Variants in PPP1R1C observed in about 807,000 individuals in gnomAD.
PPP1R1C encodes protein phosphatase 1 regulatory subunit 1C.
In PPP1R1C, 15 loss-of-function variants were observed where a neutral mutation model predicts 17.4. That is an observed-to-expected ratio of 0.86 (90% CI 0.58 to 1.33). The LOEUF is 1.33. PPP1R1C is among the 40% of genes most tolerant of loss of function. The probability of loss-of-function intolerance (pLI) is 0.00; values close to 1 mark genes in which losing one functional copy is unlikely to be tolerated. For missense variants in PPP1R1C, 143 were observed against 130.0 expected (o/e 1.10, Z -0.48); for synonymous variants, 35 against 43.1 (o/e 0.81, Z 0.73).
chr2:182,015,241 G>A (rs563933030), intron 2 of PPP1R1C, among the ~76,000 whole-genome samples: 4 of 152,114 alleles, frequency 2.6e-5, no homozygotes, highest in Admixed American at 1.3e-4. Context: ...AGTTTACCCC[G>A]TACTGTTCTC....
chr2:182,004,681 GAGTT>G (rs1685864515), intron 2 of PPP1R1C, among the ~76,000 whole-genome samples: 1 of 152,218 alleles, frequency 6.6e-6, no homozygotes, highest in African/African-American at 2.4e-5. Context: ...CATCTCAAAA[GAGTT>G]AGGATTAGGA....
chr2:182,096,813 T>C (rs1268876144), intron 4 of PPP1R1C, among the ~76,000 whole-genome samples: 1 of 152,210 alleles, frequency 6.6e-6, no homozygotes, highest in Non-Finnish European at 1.5e-5. Context: ...TAGCTCCTTC[T>C]GTCAAAATCA....
At chr2:182,072,602 T>A (rs1688172581) in intron 4 of PPP1R1C, among the ~76,000 whole-genome samples, 1 of 152,178 alleles carries the variant, frequency 6.6e-6, no homozygotes, top group Non-Finnish European at 1.5e-5. Context: ...GGGTGTCCTA[T>A]GAAGTTTTGT....
intron 4 of PPP1R1C, among the ~76,000 whole-genome samples, chr2:182,066,982 G>T (rs959807225): frequency 1.3e-5 from 2 of 151,776 alleles, no homozygotes; most frequent in Non-Finnish European, 2.9e-5. Flanking sequence ...GTGTGTGTGT[G>T]TGTGTGTGTG....
At chr2:181,958,053 T>C (rs1394448077) in intron 1 of PPP1R1C, among the ~76,000 whole-genome samples, 1 of 152,178 alleles carries the variant, frequency 6.6e-6, no homozygotes, top group East Asian at 1.9e-4. Context: ...GTTTCCAATA[T>C]AGCTGTTTTC....
chr2:182,100,921 C>T (rs1474605536), intron 4 of PPP1R1C, among the ~76,000 whole-genome samples: 1 of 152,168 alleles, frequency 6.6e-6, no homozygotes, highest in Non-Finnish European at 1.5e-5. Context: ...GCATAAGAAG[C>T]AGGCAGGGCT....
At chr2:182,100,310 G>A (rs1462245264) in intron 4 of PPP1R1C, among the ~76,000 whole-genome samples, 2 of 152,050 alleles carry the variant, frequency 1.3e-5, no homozygotes, top group Non-Finnish European at 2.9e-5. Flanking sequence ...AAGAGATTGA[G>A]ACCATCCTAG....
At chr2:182,003,638 C>T (rs1400455687) in intron 2 of PPP1R1C, among the ~76,000 whole-genome samples, 1 of 151,820 alleles carries the variant, frequency 6.6e-6, no homozygotes, top group African/African-American at 2.4e-5. Flanking sequence ...AGTCTTGTAG[C>T]ATCTCCAAGC....
chr2:181,992,550 T>C (rs2125143471), intron 2 of PPP1R1C, among the ~76,000 whole-genome samples: 1 of 134,446 alleles, frequency 7.4e-6, no homozygotes, highest in Admixed American at 7.3e-5. Flanking sequence ...TTATATTTAA[T>C]GGACCTGACG....
At chr2:182,067,036 T>TA (rs1688005749) in intron 4 of PPP1R1C, among the ~76,000 whole-genome samples, 1 of 151,868 alleles carries the variant, frequency 6.6e-6, no homozygotes, top group African/African-American at 2.4e-5. Context: ...GAAAGCAAAG[T>TA]AAGTGCTATT....
chr2:182,020,777 T>A (rs1350108654), intron 2 of PPP1R1C, among the ~76,000 whole-genome samples: 1 of 152,152 alleles, frequency 6.6e-6, no homozygotes, highest in African/African-American at 2.4e-5. Flanking sequence ...TTCCCCAACC[T>A]TTTCTATATG....
At chr2:182,077,458 C>A (rs1291543293) in intron 4 of PPP1R1C, among the ~76,000 whole-genome samples, 1 of 152,144 alleles carries the variant, frequency 6.6e-6, no homozygotes, top group Non-Finnish European at 1.5e-5. Context: ...CCACATGTCC[C>A]ATGTTTTACT....
chr2:182,014,384 C>T (rs1393690084), intron 2 of PPP1R1C, among the ~76,000 whole-genome samples: 1 of 152,110 alleles, frequency 6.6e-6, no homozygotes, highest in Non-Finnish European at 1.5e-5. Flanking sequence ...TCATTACTTT[C>T]CCCCAAACAA....
intron 4 of PPP1R1C, among the ~76,000 whole-genome samples, chr2:182,107,908 G>A (rs548349866): frequency 2.6e-5 from 4 of 151,858 alleles, no homozygotes; most frequent in Non-Finnish European, 4.4e-5. Context: ...GTAGGTGAAC[G>A]TTTTGTGCTT....
chr2:182,116,019 T>C (rs1258084197), intron 4 of PPP1R1C, among the ~76,000 whole-genome samples: 1 of 152,180 alleles, frequency 6.6e-6, no homozygotes. Context: ...TACTCTGATA[T>C]CTTAACAGAA....
At chr2:182,124,381 CT>C (rs1296251183) in intron 5 of PPP1R1C, among the ~76,000 whole-genome samples, 1 of 98,026 alleles carries the variant, frequency 1.0e-5, no homozygotes. Flanking sequence ...TATACAGGCT[CT>C]TTTTTTGGTT....
chr2:182,022,875 C>A (rs181824431), intron 2 of PPP1R1C, among the ~76,000 whole-genome samples: 1 of 152,270 alleles, frequency 6.6e-6, no homozygotes, highest in East Asian at 1.9e-4. Context: ...AGAGCCAAGA[C>A]CAGTGATGCC....
At chr2:182,128,243 A>G (rs935937544) in intron 5 of PPP1R1C, among the ~76,000 whole-genome samples, 2 of 152,134 alleles carry the variant, frequency 1.3e-5, no homozygotes, top group Admixed American at 1.3e-4. Context: ...TAATGAAATC[A>G]TTTCTGATAA....
intron 2 of PPP1R1C, among the ~76,000 whole-genome samples, chr2:181,997,270 T>C (rs2125146490): frequency 6.6e-6 from 1 of 151,356 alleles, no homozygotes; most frequent in East Asian, 1.9e-4. Context: ...TACACAAATA[T>C]TTACATGCAT....
Sources: gnomAD v4.1 joint callset for allele counts (sites outside exome capture counted in the v4.1 genomes callset) on GRCh38, gnomAD v4.1.1 for gene constraint, MANE v1.5 for transcripts, NCBI Gene and HGNC (gene_info 2026-07-23, HGNC 2026-07-21) for gene names.